The following FANCC variants were observed in gnomAD, a reference collection of about 807,000 sequenced individuals.
FANCC encodes FA complementation group C.
FANCC carries 55 observed loss-of-function variants against 71.3 expected under a neutral mutation model. The ratio of observed to expected loss-of-function variants is 0.77; its 90% confidence interval spans 0.62 to 0.97. The LOEUF is 0.97. Among genes scored for constraint, FANCC ranks in the 50% least tolerant of loss-of-function variants. The pLI, the probability that FANCC is intolerant of heterozygous loss-of-function variation, is 0.00. For synonymous variants in FANCC, 275 were observed against 244.9 expected (o/e 1.12, Z -1.15); for missense variants, 678 against 670.9 (o/e 1.01, Z -0.12).
At chr9:95,128,054 T>A (rs1369427854) in intron 8 of FANCC, among the ~76,000 whole-genome samples, 14 of 152,218 alleles carry the variant, frequency 9.2e-5, no homozygotes, top group Non-Finnish European at 1.5e-5. Context: ...AAGAAAATAA[T>A]TTGGCAGGAC....
intron 1 of FANCC, among the ~76,000 whole-genome samples, chr9:95,266,930 T>C (rs1478342526): frequency 6.6e-6 from 1 of 152,108 alleles, no homozygotes; most frequent in Non-Finnish European, 1.5e-5. Flanking sequence ...CACTTTTGGA[T>C]GGATTCTCTT....
At chr9:95,146,569 A>C (rs995522730) in intron 7 of FANCC, among the ~76,000 whole-genome samples, 16 of 152,190 alleles carry the variant, frequency 1.1e-4, no homozygotes, top group African/African-American at 3.6e-4. Flanking sequence ...TTCTTAACAA[A>C]ATGTCAAGTT....
chr9:95,224,725 T>C (rs1010403247), intron 4 of FANCC, among the ~76,000 whole-genome samples: 2 of 152,192 alleles, frequency 1.3e-5, no homozygotes, highest in African/African-American at 4.8e-5. Context: ...TTTTTTTTAA[T>C]ATATAGGAAT....
intron 1 of FANCC, among the ~76,000 whole-genome samples, chr9:95,252,813 C>A (rs997033864): frequency 1.0e-4 from 15 of 149,116 alleles, no homozygotes; most frequent in Non-Finnish European, 1.8e-4. Flanking sequence ...ATTTGGCAGG[C>A]GGTCACAGGA....
In FANCC at chr9:95,124,897, G is replaced by A. The variant is rs1041662203; in HGVS notation, c.996+189C>T. On this transcript the variant is annotated intron_variant, in intron 10 of 14. Transcript: ENST00000289081. ...CAGATGCTTCTGGGTATCAGGGCACGGGGCAGACAGATCTTGATTTATGTT... is the reference window on the plus strand; with the variant it reads ...CAGATGCTTCTGGGTATCAGGGCACAGGGCAGACAGATCTTGATTTATGTT... Among the ~76,000 whole-genome samples, 4 of 152,200 alleles carry A rather than the reference G, an allele frequency of 2.6e-5. 1 individual carries two copies. Among genetic ancestry groups the A allele is most frequent in the South Asian group, 4.1e-4 (2 of 4,830 alleles).
intron 1 of FANCC, among the ~76,000 whole-genome samples, chr9:95,261,168 T>A (rs1173701416): frequency 6.6e-6 from 1 of 152,206 alleles, no homozygotes; most frequent in Admixed American, 6.5e-5. Context: ...TCCGTGCAGC[T>A]CCAAAAAATG....
At chr9:95,281,966 T>G (rs757908573) in intron 1 of FANCC, among the ~76,000 whole-genome samples, 1 of 151,574 alleles carries the variant, frequency 6.6e-6, no homozygotes, top group Non-Finnish European at 1.5e-5. Context: ...GAAAATCACT[T>G]AACCTCAAAG....
chr9:95,217,274 A>G (rs1828925389), intron 4 of FANCC, among the ~76,000 whole-genome samples: 1 of 152,146 alleles, frequency 6.6e-6, no homozygotes, highest in Non-Finnish European at 1.5e-5. Flanking sequence ...TCATGAGGTC[A>G]GGAGATCGAG....
chr9:95,178,774 T>C (rs1480588391), intron 4 of FANCC, among the ~76,000 whole-genome samples: 1 of 152,228 alleles, frequency 6.6e-6, no homozygotes, highest in African/African-American at 2.4e-5. Flanking sequence ...TATAAAAATG[T>C]TATTTCATTT....
rs926521968 is a variant in FANCC at position 95,235,662 on chromosome 9, T to C, written c.345+4987A>G. On this transcript the variant is annotated intron_variant, in intron 4 of 14. Coordinates refer to ENST00000289081, the MANE Select transcript of FANCC (RefSeq NM_000136.3). ...GAGTTTGAGACCAGCCCGACCAACATGGAGAAACCCCATCTCTACTAAAAA... is the reference window on the plus strand; with the variant it reads ...GAGTTTGAGACCAGCCCGACCAACACGGAGAAACCCCATCTCTACTAAAAA... Among the ~76,000 whole-genome samples, 5 of 151,968 alleles carry C rather than the reference T, an allele frequency of 3.3e-5. No individual in the cohort carries two copies. In the South Asian group the frequency reaches 1.0e-3, roughly 32 times the overall value.
intron 4 of FANCC, among the ~76,000 whole-genome samples, chr9:95,224,500 T>C (rs1829486874): frequency 6.6e-6 from 1 of 151,434 alleles, no homozygotes. Context: ...TTTTGAAGAT[T>C]GGTTAAAAAA....
In FANCC at chr9:95,101,237, A is replaced by AAGAC. The variant is rs2071062169; in HGVS notation, c.*466_*469dup. 1 of 282,580 alleles carries AAGAC rather than the reference A, an allele frequency of 3.5e-6. No individual in the cohort carries two copies. Among genetic ancestry groups the AAGAC allele is most frequent in the African/African-American group, 2.1e-5 (1 of 47,076 alleles). The allele number at this position is 282,580 out of a possible 1,614,324, so 17.5% of individuals were successfully genotyped here. A position where few individuals can be genotyped will look rare whatever the true frequency, so the allele number is the denominator to read the frequency against. On this transcript the variant is annotated 3_prime_UTR_variant, in exon 15 of 15. Transcript: ENST00000289081. The stretch of plus-strand genomic sequence containing the variant: ...CCCTTGAAGAATTTCTCCATACAGC[A>AAGAC]AGACAGTGTGGCTTTATCCCAGATC...
chr9:95,212,909 T>C (rs920911633), intron 4 of FANCC, among the ~76,000 whole-genome samples: 1 of 152,206 alleles, frequency 6.6e-6, no homozygotes, highest in South Asian at 2.1e-4. Context: ...TCATGTATTA[T>C]GCAAAATATG....
chr9:95,201,954 T>A (rs1376748798), intron 4 of FANCC, among the ~76,000 whole-genome samples: 1 of 152,230 alleles, frequency 6.6e-6, no homozygotes, highest in African/African-American at 2.4e-5. Flanking sequence ...TACACACTTA[T>A]ATTTTGCTTA....
intron 3 of FANCC, among the ~76,000 whole-genome samples, chr9:95,245,822 G>A (rs1052616335): frequency 2.0e-5 from 3 of 151,484 alleles, no homozygotes; most frequent in East Asian, 2.0e-4. Context: ...ACTTGAACCC[G>A]GGAGGCAGAG....
rs779641307 is a variant in FANCC at position 95,135,446 on chromosome 9, G to C, written c.743C>G (p.Pro248Arg). The C allele has an allele frequency of 1.2e-6, 2 of 1,614,026 alleles. No homozygotes were observed. The highest frequency in any genetic ancestry group is 2.2e-5 in the East Asian group (1 of 44,878). Residue 248 changes from proline to arginine, a missense_variant, in exon 8 of 15, where the codon CCC becomes CGC. By Grantham distance (103) the Pro-to-Arg change is moderately radical. Coordinates refer to ENST00000289081, the MANE Select transcript of FANCC (RefSeq NM_000136.3). ...ATGCAGCATTGCTTTTTCAAGGCTG[G>C]GAAGGTGCCGAAGCCAGAGGCAGAC... The part of the protein sequence containing the change: ...AVVCLWLRHL[P>R]SLEKAMLHLF...
intron 6 of FANCC, among the ~76,000 whole-genome samples, chr9:95,156,636 A>C (rs1164315893): frequency 1.3e-5 from 2 of 152,138 alleles, no homozygotes; most frequent in African/African-American, 4.8e-5. Flanking sequence ...CATTCATAAA[A>C]TTTTAACTTG....
intron 6 of FANCC, among the ~76,000 whole-genome samples, chr9:95,164,666 T>C (rs1830958768): frequency 6.6e-6 from 1 of 152,202 alleles, no homozygotes; most frequent in South Asian, 2.1e-4. Context: ...ATGGTGTTTA[T>C]ACATATCTTT....
intron 12 of FANCC, among the ~76,000 whole-genome samples, chr9:95,112,367 T>C (rs1049752701): frequency 6.6e-6 from 1 of 152,158 alleles, no homozygotes; most frequent in African/African-American, 2.4e-5. Flanking sequence ...CCTGGCCCCT[T>C]TGTTGGATCT....
Sources: gnomAD v4.1 joint callset for allele counts (sites outside exome capture counted in the v4.1 genomes callset) on GRCh38, gnomAD v4.1.1 for gene constraint, MANE v1.5 for transcripts, NCBI Gene and HGNC (gene_info 2026-07-23, HGNC 2026-07-21) for gene names.